MAT1A: variants seen among roughly 807,000 people sequenced by gnomAD.
MAT1A encodes the protein S-adenosylmethionine synthase isoform type-1.
MAT1A carries 19 observed loss-of-function variants against 44.0 expected under a neutral mutation model. The ratio of observed to expected loss-of-function variants is 0.43; its 90% CI spans 0.30 to 0.63. The LOEUF is 0.63. Among genes scored for constraint, MAT1A ranks in the 30% least tolerant of loss-of-function variants. The probability of loss-of-function intolerance (pLI) is 0.12; values close to 1 mark genes in which losing one functional copy is unlikely to be tolerated. For missense variants in MAT1A, 397 were observed against 531.0 expected (o/e 0.75, Z 2.48); for synonymous variants, 205 against 205.6 (o/e 1.00, Z 0.03).
In MAT1A at chr10:80,274,921, G is replaced by A. The variant is rs148413241; in HGVS notation, c.951+96C>T. The A allele has an allele frequency of 6.0e-4, 860 of 1,424,166 alleles. 9 individuals carry two copies. In the Admixed American group the frequency reaches 0.016, roughly 26 times the overall value. 88.2% of individuals were successfully genotyped at this position (1,424,166 alleles called of 1,614,324 possible). A position where few individuals can be genotyped will look rare whatever the true frequency, so the allele number is the denominator to read the frequency against. ...ACAATCACAACCTTTGGCAAAGCAT[G>A]CAGCTTTCCCACCGGGCCAACATCC... On this transcript the variant is annotated intron_variant, in intron 7 of 8. Coordinates refer to ENST00000372213, the MANE Select transcript of MAT1A (RefSeq NM_000429.3).
intron 1 of MAT1A, among the ~76,000 whole-genome samples, chr10:80,288,967 T>G (rs1841684487): frequency 6.6e-6 from 1 of 152,152 alleles, no homozygotes; most frequent in Non-Finnish European, 1.5e-5. Flanking sequence ...TCTCTAGAGA[T>G]CCCTTCTGGT....
chr10:80,280,053 A>G, intron 5 of MAT1A, 120 bp downstream of exon 5: 1 of 1,211,424 alleles, frequency 8.3e-7, no homozygotes, highest in Non-Finnish European at 1.2e-6. Context: ...AAAACTGACC[A>G]TTCTTTGAAT....
chr10:80,285,247 T>G (rs1841633186), intron 2 of MAT1A, among the ~76,000 whole-genome samples: 1 of 152,252 alleles, frequency 6.6e-6, no homozygotes, highest in South Asian at 2.1e-4. Flanking sequence ...GGCCATGTGC[T>G]GGTCCAACCC....
In MAT1A at chr10:80,273,112, A is replaced by G. The variant is rs1461633383; in HGVS notation, c.*669T>C. 1 of 153,370 alleles carries G rather than the reference A, an allele frequency of 6.5e-6. No homozygotes were observed. The highest frequency in any genetic ancestry group is 1.4e-5 in the Non-Finnish European group (1 of 69,000). The allele number at this position is 153,370 out of a possible 1,614,324, so 9.5% of individuals were successfully genotyped here. A position where few individuals can be genotyped will look rare whatever the true frequency, so the allele number is the denominator to read the frequency against. ...CCTAGTTATACATCTAGGTCTAAAC[A>G]CGTGGCTGTGGGACCCTGTGGAAGT... is the stretch of plus-strand genomic sequence containing the variant. On this transcript the variant is annotated 3_prime_UTR_variant, in exon 9 of 9. Coordinates refer to ENST00000372213, the MANE Select transcript of MAT1A (RefSeq NM_000429.3).
At chr10:80,278,510 T>C (rs1173374879) in intron 5 of MAT1A, among the ~76,000 whole-genome samples, 4 of 152,200 alleles carry the variant, frequency 2.6e-5, no homozygotes, top group Non-Finnish European at 5.9e-5. Context: ...GCCGACATCA[T>C]GGGCCCCTTT....
intron 2 of MAT1A, among the ~76,000 whole-genome samples, chr10:80,284,244 A>G (rs921940586): frequency 6.6e-6 from 1 of 152,230 alleles, no homozygotes; most frequent in African/African-American, 2.4e-5. Context: ...TCTTGGAAAG[A>G]GTCAGTCATA....
At chr10:80,280,380 A>G in intron 4 of MAT1A, 64 bp from the exon 5 acceptor site, 1 of 1,599,306 alleles carries the variant, frequency 6.3e-7, no homozygotes. Context: ...GCTCTCTCCA[A>G]GCCTGAAATC....
chr10:80,277,027 G>A (rs1564646178), intron 5 of MAT1A, among the ~76,000 whole-genome samples: 2 of 152,178 alleles, frequency 1.3e-5, no homozygotes, highest in African/African-American at 2.4e-5. Flanking sequence ...TAAATGTCTT[G>A]GTCAAGATCA....
At chr10:80,283,842 C>T (rs757563946) in intron 3 of MAT1A, 74 bp downstream of exon 3, 26 of 1,609,724 alleles carry the variant, frequency 1.6e-5, no homozygotes, top group Middle Eastern at 2.2e-4. Flanking sequence ...CTGAAAGGCA[C>T]GGGTTTGACT....
chr10:80,280,349 C>A (rs1426731248), intron 4 of MAT1A, 33 bp from the exon 5 acceptor site: 1 of 1,612,526 alleles, frequency 6.2e-7, no homozygotes, highest in South Asian at 1.1e-5. Flanking sequence ...GCGGCGCCCA[C>A]CCTAGACCAA....
At position 80,281,362 on chromosome 10, in the gene MAT1A, C is replaced by T. The variant is rs143529106; in HGVS notation, c.293-570G>A. On this transcript the variant is annotated intron_variant, in intron 3 of 8. Transcript: ENST00000372213. ...CCTGAGAGGTACACAGAGTCTGGGG[C>T]AAATGGAAAAGCCACCTGCCCTTTC... 3.8e-3 allele frequency among the ~76,000 whole-genome samples: 576 copies of T among 152,256 alleles called. 1 individual carries two copies. The highest frequency in any genetic ancestry group is 6.8e-3 in the Middle Eastern group (2 of 294).
At chr10:80,276,347 C>A (rs1564645956) in intron 6 of MAT1A, 29 bp downstream of exon 6, 6 of 1,611,592 alleles carry the variant, frequency 3.7e-6, no homozygotes, top group Admixed American at 1.7e-5. Flanking sequence ...AAAGACAAAC[C>A]AGGGCTTCGT....
intron 2 of MAT1A, among the ~76,000 whole-genome samples, chr10:80,285,149 G>GTGTT (rs1480976518): frequency 6.6e-6 from 1 of 152,160 alleles, no homozygotes; most frequent in Non-Finnish European, 1.5e-5. Flanking sequence ...GCAGCTACCT[G>GTGTT]TGTTTCAAGC....
At position 80,285,542 on chromosome 10, in the gene MAT1A, T is replaced by A; in HGVS notation, c.139A>T (p.Lys47Ter). ...ISDAVLDAHL[K>*]QDPNAKVACE... is the part of the protein sequence containing the mutation. The stretch of plus-strand genomic sequence containing the variant: ...GCCACCTTGGCATTGGGGTCTTGCT[T>A]GAGATGGGCATCCAGCACTGCATCA... The change falls in exon 2 of 9, where the codon AAG becomes TAG. Residue 47 changes from lysine to a stop codon, truncating the protein, a stop_gained. Coordinates refer to ENST00000372213, the MANE Select transcript of MAT1A (RefSeq NM_000429.3). LOFTEE classifies it high-confidence loss of function. 6.2e-7 allele frequency: 1 copy of A among 1,614,152 alleles called. No individual in the cohort carries two copies. Among genetic ancestry groups the A allele is most frequent in the South Asian group, 1.1e-5 (1 of 91,082 alleles).
chr10:80,273,927 G>C (rs4933327), intron 8 of MAT1A, 44 bp from the exon 9 acceptor site: 1 of 1,351,462 alleles, frequency 7.4e-7, no homozygotes, highest in South Asian at 1.2e-5. Flanking sequence ...GATGGAACAG[G>C]AGCAGGGTTT....
chr10:80,275,232 G>A, intron 6 of MAT1A, 33 bp from the exon 7 acceptor site: 1 of 1,590,566 alleles, frequency 6.3e-7, no homozygotes, highest in Non-Finnish European at 8.6e-7. Context: ...ATAAGAAGCA[G>A]AGCCAGCCCC....
In MAT1A at chr10:80,285,307, ATAAT is replaced by A. The variant is rs66900704; in HGVS notation, c.169+201_169+204del. Among the ~76,000 whole-genome samples the A allele has an allele frequency of 0.73, 109,999 of 151,718 alleles. 40,337 individuals carry two copies. The highest frequency in any genetic ancestry group is 0.97 in the East Asian group (4,998 of 5,168). Reference sequence around the variant, plus strand: ...ATTTAACGTTAGATTCTTGCTAAAAATAATTATCTATTTGTTTCATGGTTAGAAA... The same window carrying A: ...ATTTAACGTTAGATTCTTGCTAAAAATATCTATTTGTTTCATGGTTAGAAA... On this transcript the variant is annotated intron_variant, in intron 2 of 8. Coordinates refer to ENST00000372213, the MANE Select transcript of MAT1A (RefSeq NM_000429.3).
chr10:80,284,142 G>T, intron 2 of MAT1A, 104 bp from the exon 3 acceptor site: 3 of 1,441,906 alleles, frequency 2.1e-6, no homozygotes, highest in Non-Finnish European at 2.9e-6. Context: ...ACACAGGAGG[G>T]GCCTTACGAG....
chr10:80,275,335 C>A, intron 6 of MAT1A, 136 bp from the exon 7 acceptor site: 4 of 788,414 alleles, frequency 5.1e-6, no homozygotes, highest in East Asian at 5.3e-5. Flanking sequence ...TTTCCTAAGA[C>A]CCCTTAGCCC....
Sources: allele counts gnomAD v4.1 joint callset (sites outside exome capture counted in the v4.1 genomes callset), GRCh38; gene constraint gnomAD v4.1.1; transcripts MANE v1.5; gene names NCBI Gene and HGNC (gene_info 2026-07-23, HGNC 2026-07-21).